Variants in SBF1 observed in about 807,000 individuals in gnomAD.
SBF1 encodes the protein SET binding factor 1, also known as myotubularin-related protein 5.
A neutral mutation model predicts 215.8 loss-of-function variants in SBF1; 65 were observed. The ratio of observed to expected loss-of-function variants is 0.30; its 90% CI spans 0.25 to 0.37. SBF1 has a LOEUF of 0.37. SBF1 is among the 10% of genes least tolerant of loss of function. The pLI is 1.00. For synonymous variants in SBF1, 1,410 were observed against 1,122.8 expected (o/e 1.26, Z -5.11); for missense variants, 2,634 against 2,667.8 (o/e 0.99, Z 0.28).
In SBF1 at chr22:50,454,758, T is replaced by C. The variant is rs1202269037; in HGVS notation, c.4813-16A>G. 4 of 1,590,192 alleles carry C rather than the reference T, an allele frequency of 2.5e-6. No individual in the cohort carries two copies. The highest frequency in any genetic ancestry group is 3.7e-5 in the Admixed American group (2 of 54,454). On this transcript the variant is annotated splice_polypyrimidine_tract_variant and intron_variant, in intron 35 of 40. Coordinates refer to ENST00000380817, the MANE Select transcript of SBF1 (RefSeq NM_002972.4). ...GCCGCAGGACCTGAGGGTGGGCCTG[T>C]GGTTGAGGACCTGGGTCGGGCAGGA...
intron 36 of SBF1, among the ~76,000 whole-genome samples, chr22:50,453,333 T>G (rs1225375837): frequency 1.3e-5 from 2 of 152,362 alleles, no homozygotes; most frequent in Non-Finnish European, 2.9e-5. Flanking sequence ...CTGTGCTTTG[T>G]GGGTCACCTC....
rs376706601 is a variant in SBF1, at chr22:50,455,242, G to T, written c.4536C>A (p.Phe1512Leu). ...SSGFTPVFLQFLDCVHQVHLQ... is the reference protein window; with the variant it reads ...SSGFTPVFLQLLDCVHQVHLQ... ...TGCCCACCTGGTGTACGCAGTCCAG[G>T]AACTGCAGGAAGACGGGTGTGAAGC... Residue 1512 changes from phenylalanine (F) to leucine (L), a missense_variant, in exon 33 of 41, where the codon TTC (phenylalanine) becomes TTA (leucine). By Grantham distance (22) the Phe-to-Leu change is conservative. Transcript: ENST00000380817. 1 of 1,613,104 alleles carries T rather than the reference G, an allele frequency of 6.2e-7. No individual in the cohort carries two copies. The highest frequency in any genetic ancestry group is 8.5e-7 in the Non-Finnish European group (1 of 1,179,644).
Position 50,461,265 on chromosome 22 carries a change from C to T in SBF1, c.2861G>A (p.Arg954His), listed in dbSNP as rs1478255913. Residue 954 changes from arginine (R) to histidine (H), a missense_variant, in exon 23 of 41, where the codon CGC becomes CAC. Arg to His is a conservative substitution (Grantham distance 29, BLOSUM62 0). Transcript: ENST00000380817. ...DPLVGEQVVV[R>H]SFPVAALTKE... Reference sequence around the variant, plus strand: ...GGTCAGCGCAGCCACCGGGAAGGAGCGGACCACCACCTGCTCCCCAACTTA... The same window carrying T: ...GGTCAGCGCAGCCACCGGGAAGGAGTGGACCACCACCTGCTCCCCAACTTA... 2.5e-6 allele frequency: 4 copies of T among 1,610,122 alleles called. No homozygotes were observed. Among genetic ancestry groups the T allele is most frequent in the African/African-American group, 1.3e-5 (1 of 74,658 alleles).
intron 13 of SBF1, 29 bp downstream of exon 13, chr22:50,464,790 G>GGT: frequency 6.2e-7 from 1 of 1,612,622 alleles, no homozygotes; most frequent in African/African-American, 1.3e-5. Flanking sequence ...AAGGCGGTAC[G>GGT]ACGCCCTCCC....
rs772914957 is a variant in SBF1, at chr22:50,462,730, G to A, written c.1969-13C>T. 5.2e-5 allele frequency: 83 copies of A among 1,610,866 alleles called. 1 individual carries two copies. In the Admixed American group the frequency reaches 9.2e-4, roughly 18 times the overall value. ...CCGGGCTCAGCTTCTGCAGGAGCCA[G>A]GGGAGAAGGTCAGCTGGATGCAGCC... is the stretch of plus-strand genomic sequence containing the variant. On this transcript the variant is annotated splice_polypyrimidine_tract_variant and intron_variant, in intron 17 of 40. Coordinates refer to ENST00000380817, the MANE Select transcript of SBF1 (RefSeq NM_002972.4).
At chr22:50,448,470 G>T in intron 37 of SBF1, 26 bp from the exon 38 acceptor site, 1 of 1,612,102 alleles carries the variant, frequency 6.2e-7, no homozygotes, top group Non-Finnish European at 8.5e-7. Flanking sequence ...TGGGACTTGG[G>T]TCAGGGCTGG....
chr22:50,461,824 T>C lies in SBF1; in HGVS notation c.2615A>G (p.Glu872Gly). ...HIETLEAVQR[E>G]SRRLPPIQKP... ...CTGGATGGGCGGCAGCCTCCGGCTC[T>C]CCCGCTGCACGGCCTCCAGGGTCTC... is the stretch of plus-strand genomic sequence containing the variant. The change falls in exon 21 of 41, where the codon GAG becomes GGG. Residue 872 changes from glutamate to glycine, a missense_variant. Glu to Gly is a moderately conservative substitution (Grantham distance 98, BLOSUM62 -2). Transcript: ENST00000380817. 6.2e-7 allele frequency: 1 copy of C among 1,613,628 alleles called. No individual in the cohort carries two copies. Among genetic ancestry groups the C allele is most frequent in the Non-Finnish European group, 8.5e-7 (1 of 1,179,990 alleles).
At position 50,460,736 on chromosome 22, in the gene SBF1, A is replaced by G. The variant is rs2067471755; in HGVS notation, c.2968-24T>C. 5 of 1,603,792 alleles carry G rather than the reference A, an allele frequency of 3.1e-6. No homozygotes were observed. The East Asian group carries it at 1.1e-4, about 36-fold the overall frequency. On this transcript the variant is annotated intron_variant, in intron 23 of 40. Coordinates refer to ENST00000380817, the MANE Select transcript of SBF1 (RefSeq NM_002972.4). Reference sequence around the variant, plus strand: ...AGCTGTGTCAGTAAAAGCAGCCCTTAGGGGTGTGGGTGGCCCCCCAGCCCC... The same window carrying G: ...AGCTGTGTCAGTAAAAGCAGCCCTTGGGGGTGTGGGTGGCCCCCCAGCCCC...
rs2067162369 is a variant in SBF1, at chr22:50,454,368, G to A, written c.5043+144C>T. The A allele has an allele frequency of 1.6e-5, 11 of 709,000 alleles. No individual in the cohort carries two copies. In the East Asian group the frequency reaches 2.7e-4, roughly 17 times the overall value. The allele number at this position is 709,000 out of a possible 1,614,324, so 43.9% of individuals were successfully genotyped here. A position where few individuals can be genotyped will look rare whatever the true frequency, so the allele number is the denominator to read the frequency against. On this transcript the variant is annotated intron_variant, in intron 36 of 40. Coordinates refer to ENST00000380817, the MANE Select transcript of SBF1 (RefSeq NM_002972.4). ...CCCAGGCCAGTAGGCAGTTCACATGGTGGGGAGACGGCAGGGCCACACCAA... is the reference window on the plus strand; with the variant it reads ...CCCAGGCCAGTAGGCAGTTCACATGATGGGGAGACGGCAGGGCCACACCAA...
In SBF1 at chr22:50,473,656, G is replaced by C. The variant is rs148329174; in HGVS notation, c.55+1130C>G. Reference sequence around the variant, plus strand: ...TGTCCAGCAGAAGAAACACAAAAAAGAGAGAACTCCAGGTCCTTGGTGGGG... The same window carrying C: ...TGTCCAGCAGAAGAAACACAAAAAACAGAGAACTCCAGGTCCTTGGTGGGG... On this transcript the variant is annotated intron_variant, in intron 1 of 40. Coordinates refer to ENST00000380817, the MANE Select transcript of SBF1 (RefSeq NM_002972.4). Among the ~76,000 whole-genome samples, 8 of 152,300 alleles carry C rather than the reference G, an allele frequency of 5.3e-5. No homozygotes were observed. The East Asian group carries it at 1.5e-3, about 29-fold the overall frequency.
At chr22:50,466,734 C>T in intron 5 of SBF1, 24 bp from the exon 6 acceptor site, 1 of 1,484,938 alleles carries the variant, frequency 6.7e-7, no homozygotes, top group Non-Finnish European at 9.1e-7. Context: ...AGGATCGGGG[C>T]TCAGTAGTTT....
rs568299948 is a variant in SBF1 at position 50,459,510 on chromosome 22, A to C, written c.3648T>G (p.Gly1216=). Residue 1216 remains glycine (G), a synonymous_variant, in exon 27 of 41, where the codon GGT becomes GGG. Transcript: ENST00000380817. ...TCTGGGCCTTGAAGAGGCCGACGAC[A>C]CCTTTGCCATGCAGGCCTCCAGAGC... is the stretch of plus-strand genomic sequence containing the variant. The part of the protein sequence containing the change: ...LLRSGGLHGK[G]VVGLFKAQNA... 71 of 1,610,184 alleles carry C rather than the reference A, an allele frequency of 4.4e-5. No homozygotes were observed. The East Asian group carries it at 1.3e-3, about 30-fold the overall frequency.
intron 23 of SBF1, among the ~76,000 whole-genome samples, 200 bp downstream of exon 23, chr22:50,460,959 G>A (rs2067482620): frequency 1.3e-5 from 2 of 152,228 alleles, no homozygotes; most frequent in South Asian, 4.1e-4. Flanking sequence ...GGCGCCCCAA[G>A]GAAAGGACAA....
At chr22:50,474,698 C>T in intron 1 of SBF1, 88 bp downstream of exon 1, 1 of 1,169,876 alleles carries the variant, frequency 8.5e-7, no homozygotes, top group Non-Finnish European at 1.2e-6. Flanking sequence ...GGCCCCCAGC[C>T]CCCGGCCCTC....
intron 10 of SBF1, 63 bp downstream of exon 10, chr22:50,465,700 A>C (rs1477231475): frequency 2.1e-6 from 3 of 1,454,658 alleles, no homozygotes; most frequent in East Asian, 2.5e-5. Context: ...CAGTGGCAGC[A>C]GACCTGAGTG....
chr22:50,454,421 A>G, intron 36 of SBF1, 91 bp downstream of exon 36: 3 of 1,130,160 alleles, frequency 2.7e-6, no homozygotes, highest in Non-Finnish European at 3.9e-6. Context: ...ACTTACGTGC[A>G]TGTACGAGTG....
chr22:50,447,086 C>T lies in SBF1; in HGVS notation c.*56G>A, dbSNP rs931137903. 8 of 1,505,890 alleles carry T rather than the reference C, an allele frequency of 5.3e-6. No homozygotes were observed. The highest frequency in any genetic ancestry group is 7.3e-6 in the Non-Finnish European group (8 of 1,101,548). The allele number at this position is 1,505,890 out of a possible 1,614,324, so 93.3% of individuals were successfully genotyped here. On this transcript the variant is annotated 3_prime_UTR_variant, in exon 41 of 41. Transcript: ENST00000380817. ...TAAACATGGCCGGGGCGGCCCTGCC[C>T]ACCCCTAGTGGTCGGTAACGACCGG...
Position 50,456,498 on chromosome 22 carries a change from C to G in SBF1, c.4080G>C (p.Gln1360His). ...CCCCCCGCACCCCAGTCACCTTGAG[C>G]TGGGCTTTGTCCCCAAGGATATAGA... ...AALYILGDKA[Q>H]LKGVRSDPLQ... The change falls in exon 30 of 41, where the codon CAG becomes CAC. Residue 1360 changes from glutamine (Q) to histidine (H), a missense_variant. By Grantham distance (24) the Gln-to-His change is conservative (BLOSUM62 0). Coordinates refer to ENST00000380817, the MANE Select transcript of SBF1 (RefSeq NM_002972.4). 1 of 1,397,412 alleles carries G rather than the reference C, an allele frequency of 7.2e-7. No homozygotes were observed. Among genetic ancestry groups the G allele is most frequent in the Non-Finnish European group, 9.6e-7 (1 of 1,043,686 alleles). 86.6% of individuals were successfully genotyped at this position (1,397,412 alleles called of 1,614,324 possible).
intron 33 of SBF1, 36 bp from the exon 34 acceptor site, chr22:50,455,178 G>T (rs369282392): frequency 6.8e-6 from 11 of 1,613,714 alleles, no homozygotes; most frequent in African/African-American, 2.7e-5. Flanking sequence ...AGGGCTCAGC[G>T]GTCAGGGTGC....
Sources: allele counts gnomAD v4.1 joint callset (sites outside exome capture counted in the v4.1 genomes callset), GRCh38; gene constraint gnomAD v4.1.1; transcripts MANE v1.5; gene names NCBI Gene and HGNC (gene_info 2026-07-23, HGNC 2026-07-21).